Variants in NLGN1 observed in about 807,000 individuals in gnomAD.
The protein encoded by NLGN1 is neuroligin-1.
Under a neutral mutation model 65.5 loss-of-function variants are expected in NLGN1, and 12 were observed. That is an observed-to-expected ratio of 0.18 (90% CI 0.12 to 0.30). NLGN1 has a LOEUF of 0.30. Among genes scored for constraint, NLGN1 ranks in the 10% least tolerant of loss-of-function variants. The probability of loss-of-function intolerance (pLI) is 1.00; values close to 1 mark genes in which losing one functional copy is unlikely to be tolerated. For missense variants in NLGN1, 750 were observed against 1,007.1 expected, an observed-to-expected ratio of 0.74 and a Z score of 3.46; for synonymous variants, 350 against 359.5, an observed-to-expected ratio of 0.97 and a Z score of 0.30.
chr3:173,918,702 G>GTGTA (rs1491097079), intron 4 of NLGN1, among the ~76,000 whole-genome samples: 28 of 68,024 alleles, frequency 4.1e-4, no homozygotes, highest in African/African-American at 1.4e-3. Context: ...GTGTGTGTGT[G>GTGTA]TATATATATA....
At chr3:173,670,471 A>G (rs1762304775) in intron 3 of NLGN1, among the ~76,000 whole-genome samples, 2 of 152,176 alleles carry the variant, frequency 1.3e-5, no homozygotes, top group Non-Finnish European at 2.9e-5. Flanking sequence ...TTTGAGTGTG[A>G]TGAGATGAGA....
chr3:173,974,137 A>G (rs1194786615), intron 4 of NLGN1, among the ~76,000 whole-genome samples: 2 of 152,142 alleles, frequency 1.3e-5, no homozygotes, highest in Admixed American at 1.3e-4. Flanking sequence ...AAAGTTAATA[A>G]AAGTCTCATT....
At chr3:173,614,509 C>A (rs1560053483) in intron 3 of NLGN1, among the ~76,000 whole-genome samples, 2 of 152,076 alleles carry the variant, frequency 1.3e-5, no homozygotes, top group African/African-American at 4.8e-5. Flanking sequence ...TCTTTCTCAG[C>A]GCACCATCTT....
chr3:173,447,144 C>G (rs1248744205), intron 2 of NLGN1, among the ~76,000 whole-genome samples: 7 of 152,196 alleles, frequency 4.6e-5, no homozygotes. Flanking sequence ...TTGCCCATGC[C>G]TATGTCCTGA....
intron 4 of NLGN1, among the ~76,000 whole-genome samples, chr3:174,212,369 G>A (rs574838782): frequency 6.6e-6 from 1 of 152,198 alleles, no homozygotes; most frequent in South Asian, 2.1e-4. Flanking sequence ...ACACCTCCCC[G>A]CAAGCTGAGG....
chr3:173,901,537 G>T (rs1194280195), intron 4 of NLGN1, among the ~76,000 whole-genome samples: 1 of 151,826 alleles, frequency 6.6e-6, no homozygotes, highest in Admixed American at 6.6e-5. Flanking sequence ...TTCAGGGTAT[G>T]CATATTCTGT....
intron 3 of NLGN1, among the ~76,000 whole-genome samples, chr3:173,807,028 C>A (rs1024801896): frequency 6.6e-6 from 1 of 152,090 alleles, no homozygotes; most frequent in African/African-American, 2.4e-5. Context: ...CCTGAATTTC[C>A]TAAAAAATAT....
At chr3:173,896,786 G>C (rs1230396691) in intron 4 of NLGN1, among the ~76,000 whole-genome samples, 2 of 151,974 alleles carry the variant, frequency 1.3e-5, no homozygotes, top group African/African-American at 2.4e-5. Flanking sequence ...TCCTTATCTA[G>C]CACCACTCCC....
At chr3:173,504,298 C>T (rs1354880552) in intron 2 of NLGN1, among the ~76,000 whole-genome samples, 2 of 151,992 alleles carry the variant, frequency 1.3e-5, no homozygotes, top group East Asian at 3.9e-4. Flanking sequence ...CATATGTGTA[C>T]AGCATTTGGT....
intron 4 of NLGN1, among the ~76,000 whole-genome samples, chr3:174,086,192 T>TGTGTGTGTGTGTGC: frequency 6.6e-6 from 1 of 151,226 alleles, no homozygotes; most frequent in Non-Finnish European, 1.5e-5. Flanking sequence ...TATGTGTGTG[T>TGTGTGTGTGTGTGC]GTGTGTGTGT....
chr3:174,042,497 TCTC>T (rs1171606829), intron 4 of NLGN1, among the ~76,000 whole-genome samples: 14 of 152,346 alleles, frequency 9.2e-5, no homozygotes, highest in Admixed American at 1.3e-4. Context: ...CTTTGCCTTT[TCTC>T]TGAGACTTTT....
intron 4 of NLGN1, among the ~76,000 whole-genome samples, chr3:174,145,612 T>C (rs1723083171): frequency 6.6e-6 from 1 of 152,236 alleles, no homozygotes; most frequent in African/African-American, 2.4e-5. Flanking sequence ...AAATGAATCA[T>C]CATTCTTGTC....
intron 4 of NLGN1, among the ~76,000 whole-genome samples, chr3:174,147,240 T>A (rs572677096): frequency 1.3e-5 from 2 of 152,030 alleles, no homozygotes; most frequent in South Asian, 4.2e-4. Context: ...TCTGTAAAAG[T>A]TCCCGGCTCC....
At position 173,997,504 on chromosome 3, in the gene NLGN1, C is replaced by T. The variant is rs73184527; in HGVS notation, c.646+189672C>T. 7.8e-3 allele frequency among the ~76,000 whole-genome samples: 1,185 copies of T among 152,206 alleles called. 10 individuals carry two copies. Among genetic ancestry groups the T allele is most frequent in the Middle Eastern group, 0.01 (3 of 294 alleles). ...AAGAGTCTTAATGAGATTTCCAGGG[C>T]TCATAGTCCCTAGTCCTGTTTGAAT... On this transcript the variant is annotated intron_variant, in intron 4 of 6. Coordinates refer to ENST00000457714, the Ensembl canonical transcript of NLGN1.
At chr3:173,578,746 T>TAC (rs772703193) in intron 2 of NLGN1, among the ~76,000 whole-genome samples, 1 of 152,180 alleles carries the variant, frequency 6.6e-6, no homozygotes, top group South Asian at 2.1e-4. Flanking sequence ...TCAATCATGG[T>TAC]ACTATGGAAT....
chr3:173,721,702 G>C (rs1770859265), intron 3 of NLGN1, among the ~76,000 whole-genome samples: 1 of 152,100 alleles, frequency 6.6e-6, no homozygotes, highest in Non-Finnish European at 1.5e-5. Context: ...AGATAGTAGG[G>C]AGTTTTAAAA....
intron 4 of NLGN1, among the ~76,000 whole-genome samples, chr3:173,990,044 T>C (rs1049387894): frequency 7.9e-5 from 12 of 152,204 alleles, no homozygotes; most frequent in African/African-American, 1.2e-4. Flanking sequence ...CACATTGTTT[T>C]GGGTAGGGAT....
At chr3:173,689,809 A>C (rs908591154) in intron 3 of NLGN1, among the ~76,000 whole-genome samples, 1 of 152,222 alleles carries the variant, frequency 6.6e-6, no homozygotes, top group Admixed American at 6.5e-5. Context: ...AAAGAAGGAA[A>C]GCACTTCAGT....
intron 2 of NLGN1, among the ~76,000 whole-genome samples, chr3:173,519,289 G>A (rs1297079593): frequency 6.6e-6 from 1 of 152,236 alleles, no homozygotes; most frequent in Non-Finnish European, 1.5e-5. Flanking sequence ...GAAATGTGGG[G>A]TGGGAGCCTC....
Sources: allele counts gnomAD v4.1 joint callset (sites outside exome capture counted in the v4.1 genomes callset), GRCh38; gene constraint gnomAD v4.1.1; transcripts MANE v1.5; gene names NCBI Gene and HGNC (gene_info 2026-07-23, HGNC 2026-07-21).